Variants in PLCB4 observed in about 807,000 individuals in gnomAD.
PLCB4 encodes 1-phosphatidylinositol 4,5-bisphosphate phosphodiesterase beta-4.
In PLCB4, 77 loss-of-function variants were observed where a neutral mutation model predicts 178.8. The observed-to-expected ratio is 0.43, with a 90% CI of 0.36 to 0.52. PLCB4 has a LOEUF of 0.52. PLCB4 is among the 20% of genes least tolerant of loss of function. The pLI is 0.00. For synonymous variants in PLCB4, 496 were observed against 490.8 expected, an observed-to-expected ratio of 1.01 and a Z score of -0.14; for missense variants, 1,024 against 1,453.4, an observed-to-expected ratio of 0.70 and a Z score of 4.80.
chr20:9,117,929 A>G (rs929378881), intron 2 of PLCB4, among the ~76,000 whole-genome samples: 24 of 151,836 alleles, frequency 1.6e-4, no homozygotes, highest in African/African-American at 5.8e-4. Flanking sequence ...TTTTCTTTAC[A>G]TATTTTTTAT....
chr20:9,436,816 AG>A, intron 29 of PLCB4, among the ~76,000 whole-genome samples, 185 bp from the exon 30 acceptor site: 2 of 152,358 alleles, frequency 1.3e-5, no homozygotes, highest in South Asian at 4.1e-4. Context: ...CTAGAAAAAG[AG>A]AAAGTATTCT....
intron 8 of PLCB4, among the ~76,000 whole-genome samples, chr20:9,364,415 C>T (rs970020245): frequency 6.6e-6 from 1 of 152,202 alleles, no homozygotes; most frequent in Non-Finnish European, 1.5e-5. Context: ...GACCTGTCCA[C>T]TTCTTCAGAG....
chr20:9,207,648 A>G (rs901289990), intron 2 of PLCB4, among the ~76,000 whole-genome samples: 6 of 152,190 alleles, frequency 3.9e-5, no homozygotes, highest in East Asian at 1.9e-4. Flanking sequence ...TTATTGAACT[A>G]TAGATTTTTT....
intron 12 of PLCB4, among the ~76,000 whole-genome samples, chr20:9,374,304 T>C (rs1260102089): frequency 6.6e-6 from 1 of 152,226 alleles, no homozygotes; most frequent in Non-Finnish European, 1.5e-5. Context: ...TTCAAATTTT[T>C]CCACTCCACT....
intron 12 of PLCB4, among the ~76,000 whole-genome samples, chr20:9,375,022 A>G (rs2036554008): frequency 6.6e-6 from 1 of 152,068 alleles, no homozygotes; most frequent in African/African-American, 2.4e-5. Flanking sequence ...GTGTGATTCT[A>G]GATTTCTTTA....
chr20:9,121,101 G>A (rs912345695), intron 2 of PLCB4, among the ~76,000 whole-genome samples: 1 of 152,092 alleles, frequency 6.6e-6, no homozygotes, highest in Non-Finnish European at 1.5e-5. Flanking sequence ...CCCTTTGTTG[G>A]ATTTTATCCA....
chr20:9,140,167 C>T (rs2092459228), intron 2 of PLCB4, among the ~76,000 whole-genome samples: 1 of 152,062 alleles, frequency 6.6e-6, no homozygotes, highest in Admixed American at 6.6e-5. Context: ...GCTGTCTCCT[C>T]TCTCCCGGTC....
chr20:9,263,530 A>G (rs2094319548), intron 3 of PLCB4, among the ~76,000 whole-genome samples: 1 of 152,182 alleles, frequency 6.6e-6, no homozygotes, highest in African/African-American at 2.4e-5. Context: ...GCGTGGTAAC[A>G]AGATACCCTG....
intron 28 of PLCB4, among the ~76,000 whole-genome samples, chr20:9,433,468 G>T (rs2041565826): frequency 6.6e-6 from 1 of 152,140 alleles, no homozygotes; most frequent in Non-Finnish European, 1.5e-5. Context: ...ATAGCATTGG[G>T]ATGGTTGGCT....
intron 2 of PLCB4, among the ~76,000 whole-genome samples, chr20:9,215,944 A>G (rs1292992460): frequency 2.6e-5 from 4 of 152,264 alleles, no homozygotes; most frequent in South Asian, 2.1e-4. Context: ...ATTTGTTTCT[A>G]TGTCTTTTCA....
chr20:9,122,615 G>A (rs1335986231), intron 2 of PLCB4, among the ~76,000 whole-genome samples: 1 of 152,158 alleles, frequency 6.6e-6, no homozygotes, highest in Admixed American at 6.5e-5. Context: ...TACATATGCA[G>A]TATTTCAGAC....
intron 28 of PLCB4, among the ~76,000 whole-genome samples, chr20:9,434,566 G>A (rs899485574): frequency 6.6e-6 from 1 of 152,064 alleles, no homozygotes; most frequent in Admixed American, 6.6e-5. Context: ...AGTAAAGACG[G>A]GGTTTCACCA....
At chr20:9,091,729 TG>T (rs1287226189) in intron 1 of PLCB4, among the ~76,000 whole-genome samples, 5 of 151,650 alleles carry the variant, frequency 3.3e-5, no homozygotes, top group Non-Finnish European at 7.4e-5. Flanking sequence ...ACCTGTTAGT[TG>T]TAGTTCTGTT....
intron 7 of PLCB4, among the ~76,000 whole-genome samples, chr20:9,358,846 C>G (rs2035071061): frequency 6.6e-6 from 1 of 152,068 alleles, no homozygotes; most frequent in Non-Finnish European, 1.5e-5. Context: ...TTGCAGTGAA[C>G]CGAGATCCCA....
At chr20:9,395,482 C>T (rs6077529) in intron 18 of PLCB4, 41 bp from the exon 19 acceptor site, 5 of 1,363,504 alleles carry the variant, frequency 3.7e-6, no homozygotes, top group African/African-American at 1.4e-5. Context: ...TGTATGTTAC[C>T]TAGCATCTGT....
intron 2 of PLCB4, among the ~76,000 whole-genome samples, chr20:9,164,045 A>AAGGGT (rs1420768681): frequency 6.6e-6 from 1 of 152,218 alleles, no homozygotes; most frequent in Non-Finnish European, 1.5e-5. Flanking sequence ...ACAAAAGATG[A>AAGGGT]AGGGTATTTT....
chr20:9,194,625 G>A (rs1481685761), intron 2 of PLCB4, among the ~76,000 whole-genome samples: 4 of 150,326 alleles, frequency 2.7e-5, no homozygotes, highest in African/African-American at 7.3e-5. Flanking sequence ...CCCGGGAGGC[G>A]GAGCTTGCAG....
intron 4 of PLCB4, among the ~76,000 whole-genome samples, chr20:9,328,624 A>C (rs1322767139): frequency 6.6e-6 from 1 of 152,220 alleles, no homozygotes; most frequent in African/African-American, 2.4e-5. Flanking sequence ...CAGTTACCTG[A>C]GCCCACTCCT....
intron 10 of PLCB4, among the ~76,000 whole-genome samples, chr20:9,371,557 T>C (rs530011894): frequency 3.1e-4 from 47 of 152,316 alleles, no homozygotes; most frequent in Non-Finnish European, 6.2e-4. Flanking sequence ...AATAGTTTGC[T>C]TCAAATGATT....
Sources: allele counts gnomAD v4.1 joint callset (sites outside exome capture counted in the v4.1 genomes callset), GRCh38; gene constraint gnomAD v4.1.1; transcripts MANE v1.5; gene names NCBI Gene and HGNC (gene_info 2026-07-23, HGNC 2026-07-21).